Variants in BST1 observed in about 807,000 individuals in gnomAD.
BST1 encodes the protein ADP-ribosyl cyclase/cyclic ADP-ribose hydrolase 2.
A neutral mutation model predicts 40.6 loss-of-function variants in BST1; 49 were observed. That is an observed-to-expected ratio of 1.21 (90% CI 0.96 to 1.53). The LOEUF (loss-of-function observed/expected upper bound fraction) is 1.53, where lower values mean the gene tolerates loss of function less well. BST1 is among the 40% of genes most tolerant of loss of function. The pLI is 0.00. For missense variants in BST1, 423 were observed against 395.9 expected (o/e 1.07, Z -0.58); for synonymous variants, 157 against 159.3 (o/e 0.99, Z 0.11).
chr4:15,706,512 A>G (rs1719888423), intron 2 of BST1, among the ~76,000 whole-genome samples: 1 of 152,268 alleles, frequency 6.6e-6, no homozygotes, highest in Non-Finnish European at 1.5e-5. Flanking sequence ...CTCAGGTCTA[A>G]TAAAATGAAA....
chr4:15,767,395 T>C, the BST1 span, among the ~76,000 whole-genome samples: 1 of 151,782 alleles, frequency 6.6e-6, no homozygotes, highest in Non-Finnish European at 1.5e-5. Flanking sequence ...ACTCCACCTC[T>C]CGGGTTCAAG....
chr4:15,729,266 ACATG>A (rs1411362171), intron 8 of BST1, among the ~76,000 whole-genome samples: 2 of 152,148 alleles, frequency 1.3e-5, no homozygotes, highest in African/African-American at 4.8e-5. Flanking sequence ...AGCCTAGGCA[ACATG>A]GCGAGACCCC....
the BST1 span, among the ~76,000 whole-genome samples, chr4:15,768,608 C>T: frequency 6.6e-6 from 1 of 151,830 alleles, no homozygotes; most frequent in African/African-American, 2.4e-5. Context: ...ATTCTCCTGC[C>T]TCAGCCTCCC....
chr4:15,705,522 A>G lies in BST1; in HGVS notation c.196A>G (p.Asn66Asp). Residue 66 changes from asparagine to aspartate, a missense_variant, in exon 2 of 9, where the codon AAC (asparagine) becomes GAC (aspartate). Coordinates refer to ENST00000265016, the MANE Select transcript of BST1 (RefSeq NM_004334.3). Reference sequence around the variant, plus strand: ...ACTTGTACTTTTGCACAGGAACAAGAACTGCACAGCCATCTGGGAAGCCTT... The same window carrying G: ...ACTTGTACTTTTGCACAGGAACAAGGACTGCACAGCCATCTGGGAAGCCTT... Reference protein sequence around the residue: ...ALLSPEQRNKNCTAIWEAFKV... With the variant: ...ALLSPEQRNKDCTAIWEAFKV... 6.3e-7 allele frequency: 1 copy of G among 1,583,596 alleles called. No individual in the cohort carries two copies. Among genetic ancestry groups the G allele is most frequent in the South Asian group, 1.2e-5 (1 of 85,710 alleles).
At chr4:15,714,383 A>G (rs1310707286) in intron 4 of BST1, among the ~76,000 whole-genome samples, 1 of 152,106 alleles carries the variant, frequency 6.6e-6, no homozygotes, top group Non-Finnish European at 1.5e-5. Context: ...ATTTCTGTGG[A>G]CCTGTCTCAC....
the BST1 span, among the ~76,000 whole-genome samples, chr4:15,757,391 T>A: frequency 6.6e-6 from 1 of 152,170 alleles, no homozygotes; most frequent in South Asian, 2.1e-4. Flanking sequence ...CGAACTGCAG[T>A]GTATTTTTTT....
At chr4:15,737,974 A>G in exon 7 of BST1, 1 of 393,734 alleles carries the variant, frequency 2.5e-6, no homozygotes. Context: ...AGGAAACAGG[A>G]TAAAATGGAC....
the BST1 span, among the ~76,000 whole-genome samples, chr4:15,770,960 C>G: frequency 6.6e-6 from 1 of 152,176 alleles, no homozygotes; most frequent in Non-Finnish European, 1.5e-5. Flanking sequence ...CAAAGCCCAC[C>G]CAGGTCTACC....
the BST1 span, among the ~76,000 whole-genome samples, chr4:15,765,588 C>G: frequency 9.9e-5 from 15 of 152,020 alleles, no homozygotes; most frequent in Non-Finnish European, 1.9e-4. Flanking sequence ...CACATATTTC[C>G]TCCTTGTTCT....
At chr4:15,731,412 T>G (rs1378811345) in intron 8 of BST1, 3 of 619,830 alleles carry the variant, frequency 4.8e-6, no homozygotes, top group Non-Finnish European at 8.8e-6. Flanking sequence ...GTCACGGTGC[T>G]GCTGGTTACC....
intron 3 of BST1, among the ~76,000 whole-genome samples, chr4:15,710,882 C>T (rs1455754987): frequency 6.6e-6 from 1 of 152,080 alleles, no homozygotes; most frequent in Non-Finnish European, 1.5e-5. Flanking sequence ...ATTCGCCCCC[C>T]AGGTTCAAGC....
exon 7 of BST1, chr4:15,737,959 T>C (rs1367394620): frequency 4.5e-6 from 2 of 441,600 alleles, no homozygotes; most frequent in Non-Finnish European, 8.1e-6. Flanking sequence ...CTCCACAAGC[T>C]TCAGAGGAAA....
the BST1 span, among the ~76,000 whole-genome samples, chr4:15,760,772 T>G: frequency 9.3e-3 from 1,408 of 151,510 alleles, 45 homozygotes; most frequent in African/African-American, 0.032. Flanking sequence ...TACTGCAGTC[T>G]CCACTTCCTG....
At chr4:15,751,458 G>A in the BST1 span, among the ~76,000 whole-genome samples, 1 of 152,210 alleles carries the variant, frequency 6.6e-6, no homozygotes, top group Admixed American at 6.5e-5. Context: ...TTTTTATTCA[G>A]AAGAGGAAGA....
intron 2 of BST1, among the ~76,000 whole-genome samples, chr4:15,706,127 G>A (rs1406485563): frequency 2.0e-5 from 3 of 152,072 alleles, no homozygotes; most frequent in African/African-American, 7.2e-5. Context: ...CTCACACCAG[G>A]CCCCACCTCC....
exon 7 of BST1, chr4:15,737,854 A>G: frequency 7.8e-7 from 1 of 1,274,890 alleles, no homozygotes; most frequent in Non-Finnish European, 1.0e-6. Context: ...AATGCCTTCC[A>G]CTCCCACAGC....
chr4:15,721,014 C>G (rs1313249134), intron 7 of BST1, among the ~76,000 whole-genome samples: 1 of 152,174 alleles, frequency 6.6e-6, no homozygotes, highest in Non-Finnish European at 1.5e-5. Flanking sequence ...TGTGCTTCCT[C>G]TCTATTGTGT....
intron 2 of BST1, 88 bp downstream of exon 2, chr4:15,705,729 C>T (rs757277756): frequency 2.0e-6 from 3 of 1,492,650 alleles, no homozygotes; most frequent in East Asian, 2.3e-5. Flanking sequence ...TTAGCTGTCC[C>T]CTGCATCCTG....
chr4:15,745,198 G>C, the BST1 span, among the ~76,000 whole-genome samples: 1 of 151,962 alleles, frequency 6.6e-6, no homozygotes, highest in Admixed American at 6.6e-5. Context: ...ATAAATCAAG[G>C]TGTCACATTA....
Sources: allele counts gnomAD v4.1 joint callset (sites outside exome capture counted in the v4.1 genomes callset), GRCh38; gene constraint gnomAD v4.1.1; transcripts MANE v1.5; gene names NCBI Gene and HGNC (gene_info 2026-07-23, HGNC 2026-07-21).